Variants in CPQ observed in about 807,000 individuals in gnomAD.
CPQ encodes carboxypeptidase Q.
A neutral mutation model predicts 45.7 loss-of-function variants in CPQ; 37 were observed. The ratio of observed to expected loss-of-function variants is 0.81; its 90% CI spans 0.62 to 1.07. CPQ has a LOEUF of 1.07. Ranked by LOEUF, CPQ falls within the 50% of genes least tolerant of loss-of-function variation. The pLI, the probability that CPQ is intolerant of heterozygous loss-of-function variation, is 0.00. For synonymous variants in CPQ, 186 were observed against 205.8 expected (o/e 0.90, Z 0.82); for missense variants, 537 against 572.9 (o/e 0.94, Z 0.64).
chr8:97,100,773 C>G (rs1225143350), intron 7 of CPQ, among the ~76,000 whole-genome samples: 1 of 151,940 alleles, frequency 6.6e-6, no homozygotes, highest in Non-Finnish European at 1.5e-5. Context: ...TTGTGGTTTT[C>G]TTAGTGGGAA....
At chr8:96,872,288 T>C (rs931319707) in intron 3 of CPQ, among the ~76,000 whole-genome samples, 6 of 151,928 alleles carry the variant, frequency 3.9e-5, no homozygotes, top group African/African-American at 1.4e-4. Context: ...AAATTTTAAC[T>C]GCATTTTTGA....
chr8:97,016,037 GAT>G (rs903620493), intron 5 of CPQ, among the ~76,000 whole-genome samples: 11 of 151,780 alleles, frequency 7.2e-5, no homozygotes, highest in African/African-American at 2.7e-4. Flanking sequence ...TTTTAAAAAA[GAT>G]ATGTTGCTAT....
intron 1 of CPQ, among the ~76,000 whole-genome samples, chr8:96,724,539 A>G (rs1298413728): frequency 6.6e-6 from 1 of 151,744 alleles, no homozygotes; most frequent in Non-Finnish European, 1.5e-5. Flanking sequence ...CTAGGAATAC[A>G]TCTAACAAAG....
intron 7 of CPQ, among the ~76,000 whole-genome samples, chr8:97,130,531 T>C (rs773026438): frequency 1.3e-5 from 2 of 150,230 alleles, no homozygotes; most frequent in Non-Finnish European, 3.0e-5. Context: ...CTACTGAGAA[T>C]AATCACTGTT....
chr8:96,841,604 C>T (rs1385759486), intron 3 of CPQ, among the ~76,000 whole-genome samples: 1 of 152,168 alleles, frequency 6.6e-6, no homozygotes, highest in African/African-American at 2.4e-5. Flanking sequence ...TGCATCACCA[C>T]ACTGGGTATG....
At chr8:96,721,881 A>G (rs911803969) in intron 1 of CPQ, among the ~76,000 whole-genome samples, 1 of 151,774 alleles carries the variant, frequency 6.6e-6, no homozygotes, top group Non-Finnish European at 1.5e-5. Context: ...TTGCACATTT[A>G]TTTTTCTTTT....
intron 1 of CPQ, among the ~76,000 whole-genome samples, chr8:96,654,000 C>T (rs1199738916): frequency 6.6e-6 from 1 of 152,184 alleles, no homozygotes; most frequent in Non-Finnish European, 1.5e-5. Flanking sequence ...CTGCTATTTG[C>T]ATTAGCTTCA....
intron 1 of CPQ, among the ~76,000 whole-genome samples, chr8:96,669,114 G>A (rs1334229581): frequency 6.6e-6 from 1 of 152,136 alleles, no homozygotes. Context: ...ACCAAGTAGA[G>A]GTACTTTCCT....
intron 5 of CPQ, among the ~76,000 whole-genome samples, chr8:96,977,828 G>T (rs1813815029): frequency 6.6e-6 from 1 of 152,200 alleles, no homozygotes; most frequent in African/African-American, 2.4e-5. Flanking sequence ...CAAGGGAAAG[G>T]ATGGGGGACA....
At chr8:96,849,834 A>G (rs1054145596) in intron 3 of CPQ, among the ~76,000 whole-genome samples, 1 of 152,166 alleles carries the variant, frequency 6.6e-6, no homozygotes, top group Non-Finnish European at 1.5e-5. Context: ...TTGACTTACT[A>G]TCATTTTTAG....
chr8:96,815,745 G>A (rs966131727), intron 2 of CPQ, among the ~76,000 whole-genome samples: 8 of 152,066 alleles, frequency 5.3e-5, no homozygotes, highest in African/African-American at 1.7e-4. Context: ...CGGAGATATT[G>A]TGGGTTTTGA....
intron 3 of CPQ, among the ~76,000 whole-genome samples, chr8:96,872,696 A>G (rs1482868681): frequency 1.3e-5 from 2 of 151,916 alleles, no homozygotes; most frequent in African/African-American, 2.4e-5. Flanking sequence ...AACCAATAGG[A>G]TGTGCAAGTA....
intron 3 of CPQ, among the ~76,000 whole-genome samples, chr8:96,861,998 A>G (rs974225001): frequency 3.3e-5 from 5 of 152,072 alleles, no homozygotes; most frequent in African/African-American, 1.2e-4. Flanking sequence ...TTGAATATCA[A>G]CAAGTGATGG....
At chr8:96,949,950 T>C (rs375582146) in intron 4 of CPQ, among the ~76,000 whole-genome samples, 1 of 152,278 alleles carries the variant, frequency 6.6e-6, no homozygotes, top group African/African-American at 2.4e-5. Context: ...GTTTACTTTT[T>C]ATGTTTCATC....
At chr8:96,666,100 C>T (rs1808921758) in intron 1 of CPQ, among the ~76,000 whole-genome samples, 2 of 151,994 alleles carry the variant, frequency 1.3e-5, no homozygotes, top group South Asian at 4.1e-4. Flanking sequence ...AGCAAGTAGG[C>T]TTAGGTTTGG....
intron 6 of CPQ, among the ~76,000 whole-genome samples, chr8:97,044,307 G>C (rs1810192524): frequency 2.0e-5 from 3 of 152,134 alleles, no homozygotes; most frequent in Admixed American, 1.3e-4. Flanking sequence ...TCTTCACGTA[G>C]TTCTTGAGCC....
intron 1 of CPQ, among the ~76,000 whole-genome samples, chr8:96,704,706 C>A (rs1809510641): frequency 6.6e-6 from 1 of 151,964 alleles, no homozygotes; most frequent in Non-Finnish European, 1.5e-5. Flanking sequence ...GAGTTTTATC[C>A]TAAGAGCATT....
intron 7 of CPQ, among the ~76,000 whole-genome samples, chr8:97,114,522 G>A (rs746206633): frequency 3.3e-5 from 5 of 152,180 alleles, no homozygotes; most frequent in Non-Finnish European, 5.9e-5. Flanking sequence ...TCCATTCTCT[G>A]TGTCCTTGTT....
intron 1 of CPQ, among the ~76,000 whole-genome samples, chr8:96,709,573 C>T (rs972308664): frequency 2.0e-5 from 3 of 152,118 alleles, no homozygotes; most frequent in African/African-American, 7.2e-5. Flanking sequence ...ATGCAAGTGT[C>T]TTTTTGATAT....
Sources: gnomAD v4.1 joint callset for allele counts (sites outside exome capture counted in the v4.1 genomes callset) on GRCh38, gnomAD v4.1.1 for gene constraint, MANE v1.5 for transcripts, NCBI Gene and HGNC (gene_info 2026-07-23, HGNC 2026-07-21) for gene names.